Variants in DIP2B observed in about 807,000 individuals in gnomAD.
The protein encoded by DIP2B is disco-interacting protein 2 homolog B.
A neutral mutation model predicts 198.0 loss-of-function variants in DIP2B; 76 were observed. The observed-to-expected ratio is 0.38, with a 90% CI of 0.32 to 0.46. The LOEUF is 0.46. Among genes scored for constraint, DIP2B ranks in the 20% least tolerant of loss-of-function variants. The pLI, the probability that DIP2B is intolerant of heterozygous loss-of-function variation, is 0.99. For missense variants in DIP2B, 1,559 were observed against 1,978.4 expected, an observed-to-expected ratio of 0.79 and a Z score of 4.02; for synonymous variants, 701 against 739.1, an observed-to-expected ratio of 0.95 and a Z score of 0.84.
intron 1 of DIP2B, among the ~76,000 whole-genome samples, chr12:50,623,200 A>T (rs1368411878): frequency 6.6e-6 from 1 of 151,844 alleles, no homozygotes; most frequent in African/African-American, 2.4e-5. Flanking sequence ...CCCGGGCAAC[A>T]AAGCGAGATT....
chr12:50,534,564 A>G (rs1337625052), intron 1 of DIP2B, among the ~76,000 whole-genome samples: 2 of 151,814 alleles, frequency 1.3e-5, no homozygotes, highest in South Asian at 2.1e-4. Context: ...GGGTTTCGCC[A>G]TGTTGGTCAG....
Position 50,505,007 on chromosome 12 carries a change from C to A in DIP2B, c.-134C>A, listed in dbSNP as rs1016728119. Reference sequence around the variant, plus strand: ...CTCACGTGACCTTTGCTCATGGCGGCGGCGGCGGCGGCGGCGGTGCTGGTG... The same window carrying A: ...CTCACGTGACCTTTGCTCATGGCGGAGGCGGCGGCGGCGGCGGTGCTGGTG... On this transcript the variant is annotated 5_prime_UTR_variant, in exon 1 of 38. Transcript: ENST00000301180. 42 of 849,146 alleles carry A rather than the reference C, an allele frequency of 4.9e-5. 5 individuals carry two copies. Among genetic ancestry groups the A allele is most frequent in the Non-Finnish European group, 7.3e-5 (41 of 558,348 alleles). 52.6% of individuals were successfully genotyped at this position (849,146 alleles called of 1,614,324 possible).
At chr12:50,606,758 G>A (rs1958985321) in intron 1 of DIP2B, among the ~76,000 whole-genome samples, 1 of 151,238 alleles carries the variant, frequency 6.6e-6, no homozygotes. Flanking sequence ...AGCCTCTTGA[G>A]TAGCTGGGAC....
chr12:50,744,188 G>A (rs1417475764), intron 37 of DIP2B, among the ~76,000 whole-genome samples: 1 of 152,138 alleles, frequency 6.6e-6, no homozygotes, highest in Non-Finnish European at 1.5e-5. Flanking sequence ...TTTTAGTAGA[G>A]GCGGGATTTC....
chr12:50,548,505 TTTTA>T (rs1369657106), intron 1 of DIP2B, among the ~76,000 whole-genome samples: 5 of 152,092 alleles, frequency 3.3e-5, no homozygotes, highest in Non-Finnish European at 4.4e-5. Context: ...TACATTTTTA[TTTTA>T]TTTATTTATT....
Position 50,719,053 on chromosome 12 carries a change from G to A in DIP2B, c.3042+18G>A. On this transcript the variant is annotated intron_variant, in intron 25 of 37. Coordinates refer to ENST00000301180, the MANE Select transcript of DIP2B (RefSeq NM_173602.3). Reference sequence around the variant, plus strand: ...ATGCCAAGGTATTAAAAATTCAATGGTATATCTAATCAGCTGACTACTATA... The same window carrying A: ...ATGCCAAGGTATTAAAAATTCAATGATATATCTAATCAGCTGACTACTATA... 2.5e-6 allele frequency: 4 copies of A among 1,612,612 alleles called. No individual in the cohort carries two copies. The highest frequency in any genetic ancestry group is 3.4e-6 in the Non-Finnish European group (4 of 1,179,206).
At chr12:50,510,296 G>A (rs763428227) in intron 1 of DIP2B, among the ~76,000 whole-genome samples, 6 of 152,252 alleles carry the variant, frequency 3.9e-5, no homozygotes, top group Non-Finnish European at 8.8e-5. Flanking sequence ...ATTGAAAAGA[G>A]TAGCTTTTAT....
rs1242333325 is a variant in DIP2B, at chr12:50,678,896, G to A, written c.1114+20G>A. 1.9e-6 allele frequency: 3 copies of A among 1,613,836 alleles called. No individual in the cohort carries two copies. In the East Asian group the frequency reaches 6.7e-5, roughly 36 times the overall value. On this transcript the variant is annotated intron_variant, in intron 8 of 37. Coordinates refer to ENST00000301180, the MANE Select transcript of DIP2B (RefSeq NM_173602.3). Reference sequence around the variant, plus strand: ...CATATGGTGAGTCTGCAAGATTCCAGATCCTTCTCTCCTGAGAGTTCTTCA... The same window carrying A: ...CATATGGTGAGTCTGCAAGATTCCAAATCCTTCTCTCCTGAGAGTTCTTCA...
intron 1 of DIP2B, among the ~76,000 whole-genome samples, chr12:50,586,713 C>T (rs1363099781): frequency 6.6e-6 from 1 of 152,078 alleles, no homozygotes; most frequent in Non-Finnish European, 1.5e-5. Flanking sequence ...GCTGGGACTA[C>T]AGGTGTATGC....
chr12:50,697,351 C>T lies in DIP2B; in HGVS notation c.2048+176C>T, dbSNP rs1416115143. 2.0e-5 allele frequency among the ~76,000 whole-genome samples: 3 copies of T among 151,994 alleles called. No individual in the cohort carries two copies. In the East Asian group the frequency reaches 5.8e-4, roughly 29 times the overall value. On this transcript the variant is annotated intron_variant, in intron 17 of 37. Transcript: ENST00000301180. ...GTAAACTGAAAAATTTAATTGATAT[C>T]ATTTCGTATTTGTGAATTAGCTCTT...
chr12:50,614,633 G>T (rs1937660974), intron 1 of DIP2B, among the ~76,000 whole-genome samples: 2 of 152,182 alleles, frequency 1.3e-5, no homozygotes, highest in Admixed American at 1.3e-4. Flanking sequence ...CAGATGAAGA[G>T]ACTGAGGCCC....
chr12:50,576,903 G>T (rs1958667344), intron 1 of DIP2B, among the ~76,000 whole-genome samples: 2 of 151,640 alleles, frequency 1.3e-5, no homozygotes, highest in Non-Finnish European at 2.9e-5. Context: ...CGGTCTCGTT[G>T]CCCAGGCTGG....
chr12:50,659,290 G>A (rs534332910), intron 3 of DIP2B, among the ~76,000 whole-genome samples: 35 of 152,230 alleles, frequency 2.3e-4, no homozygotes, highest in Non-Finnish European at 4.6e-4. Flanking sequence ...TTGATTCAGA[G>A]TTTAAATTTA....
intron 31 of DIP2B, among the ~76,000 whole-genome samples, chr12:50,732,077 A>C (rs1161513836): frequency 5.9e-5 from 9 of 152,238 alleles, no homozygotes; most frequent in Non-Finnish European, 1.3e-4. Context: ...ATAGGGGGAC[A>C]TCTAAGGTAC....
chr12:50,545,407 G>A lies in DIP2B; in HGVS notation c.100+40167G>A, dbSNP rs549224200. Among the ~76,000 whole-genome samples, 5 of 92,930 alleles carry A rather than the reference G, an allele frequency of 5.4e-5. No individual in the cohort carries two copies. The South Asian group carries it at 1.3e-3, about 23-fold the overall frequency. The allele number at this position is 92,930 out of a possible 152,430, so 61.0% of individuals were successfully genotyped here. On this transcript the variant is annotated intron_variant, in intron 1 of 37. Transcript: ENST00000301180. Reference sequence around the variant, plus strand: ...TCTCCCCTCCCTCCCCCTCCCCTCCGTTCTGTCACCCAGCCTAGAGTGCAG... The same window carrying A: ...TCTCCCCTCCCTCCCCCTCCCCTCCATTCTGTCACCCAGCCTAGAGTGCAG...
intron 1 of DIP2B, among the ~76,000 whole-genome samples, chr12:50,532,921 T>C (rs12146806): frequency 0.94 from 143,658 of 152,272 alleles, 68,344 homozygotes; most frequent in East Asian, 1. Context: ...TCTTTGTTAG[T>C]GACTCCTCTG....
chr12:50,733,222 T>A (rs1940077605), intron 32 of DIP2B, among the ~76,000 whole-genome samples: 1 of 149,096 alleles, frequency 6.7e-6, no homozygotes, highest in African/African-American at 2.5e-5. Flanking sequence ...TCTGTTTTTC[T>A]GTCTCTATAT....
chr12:50,571,077 A>G (rs748710922), intron 1 of DIP2B, among the ~76,000 whole-genome samples: 1 of 152,188 alleles, frequency 6.6e-6, no homozygotes, highest in African/African-American at 2.4e-5. Context: ...TAGAGGTATG[A>G]AAAGAAAATG....
At chr12:50,585,136 T>C (rs1958759461) in intron 1 of DIP2B, among the ~76,000 whole-genome samples, 1 of 152,232 alleles carries the variant, frequency 6.6e-6, no homozygotes, top group Non-Finnish European at 1.5e-5. Flanking sequence ...TAAATGACAC[T>C]TCTTCTGAGA....
Sources: gnomAD v4.1 joint callset for allele counts (sites outside exome capture counted in the v4.1 genomes callset) on GRCh38, gnomAD v4.1.1 for gene constraint, MANE v1.5 for transcripts, NCBI Gene and HGNC (gene_info 2026-07-23, HGNC 2026-07-21) for gene names.